STXBP4: variants seen among roughly 807,000 people sequenced by gnomAD.
STXBP4 encodes the protein syntaxin-binding protein 4.
A neutral mutation model predicts 76.1 loss-of-function variants in STXBP4; 55 were observed. That is an observed-to-expected ratio of 0.72 (90% CI 0.58 to 0.91). The LOEUF (loss-of-function observed/expected upper bound fraction) is 0.91, where lower values mean the gene tolerates loss of function less well. Ranked by LOEUF, STXBP4 falls within the 40% of genes least tolerant of loss-of-function variation. STXBP4 has a pLI of 0.00. For synonymous variants in STXBP4, 201 were observed against 220.2 expected (o/e 0.91, Z 0.77); for missense variants, 618 against 636.9 (o/e 0.97, Z 0.32).
the STXBP4 span, among the ~76,000 whole-genome samples, chr17:55,194,759 G>T: frequency 4.6e-5 from 7 of 152,172 alleles, no homozygotes; most frequent in Non-Finnish European, 1.0e-4. Flanking sequence ...GAAATGTCAG[G>T]CCTTTTATAT....
intron 12 of STXBP4, among the ~76,000 whole-genome samples, chr17:55,050,962 G>A (rs781137069): frequency 6.6e-6 from 1 of 151,988 alleles, no homozygotes; most frequent in Non-Finnish European, 1.5e-5. Flanking sequence ...CCACTGCACC[G>A]GGCCTGAAAT....
At chr17:55,143,201 T>C (rs1053718338) in intron 17 of STXBP4, among the ~76,000 whole-genome samples, 1 of 152,332 alleles carries the variant, frequency 6.6e-6, no homozygotes, top group Non-Finnish European at 1.5e-5. Context: ...TGGGCTCTTA[T>C]TGGAATGGCA....
chr17:55,047,454 T>C (rs1200912760), intron 12 of STXBP4, among the ~76,000 whole-genome samples: 1 of 151,934 alleles, frequency 6.6e-6, no homozygotes, highest in African/African-American at 2.4e-5. Flanking sequence ...TCCATTGTTT[T>C]TTCTTTTCTT....
intron 12 of STXBP4, among the ~76,000 whole-genome samples, chr17:55,055,422 A>T (rs1223276217): frequency 6.6e-6 from 1 of 152,108 alleles, no homozygotes; most frequent in East Asian, 1.9e-4. Flanking sequence ...GCCACTTTTC[A>T]CCACTTCCAT....
downstream of STXBP4, among the ~76,000 whole-genome samples, chr17:55,175,541 G>A (rs973803173): frequency 2.0e-5 from 3 of 152,190 alleles, no homozygotes; most frequent in African/African-American, 4.8e-5. Flanking sequence ...CATCACAGAT[G>A]GTCCAAATGA....
chr17:55,027,507 A>C (rs1484774), intron 8 of STXBP4, among the ~76,000 whole-genome samples: 2 of 152,168 alleles, frequency 1.3e-5, no homozygotes, highest in African/African-American at 2.4e-5. Context: ...CTCAGACTTC[A>C]CCATTAATAC....
intron 16 of STXBP4, among the ~76,000 whole-genome samples, chr17:55,127,966 A>G (rs2079930874): frequency 6.7e-6 from 1 of 149,324 alleles, no homozygotes; most frequent in Non-Finnish European, 1.5e-5. Context: ...ACTTCATTTC[A>G]TCTAGTCTGT....
At chr17:55,102,112 G>A (rs541364655) in intron 16 of STXBP4, among the ~76,000 whole-genome samples, 12 of 151,326 alleles carry the variant, frequency 7.9e-5, no homozygotes, top group Admixed American at 3.3e-4. Flanking sequence ...CTCGTTACTA[G>A]CAATTTGTGA....
rs564807473 is a variant in STXBP4, at chr17:55,034,534, A to G, written c.855+275A>G. Among the ~76,000 whole-genome samples the G allele has an allele frequency of 3.3e-5, 5 of 152,248 alleles. No individual in the cohort carries two copies. In the South Asian group the frequency reaches 1.0e-3, roughly 32 times the overall value. ...ATACGTGCTATAACTAGCTAGCTAG[A>G]CAAACTGACAGATACCATGTGTGCA... On this transcript the variant is annotated intron_variant, in intron 10 of 17. Coordinates refer to ENST00000376352, the MANE Select transcript of STXBP4 (RefSeq NM_178509.6).
At chr17:55,060,697 T>C (rs2078985040) in intron 12 of STXBP4, among the ~76,000 whole-genome samples, 1 of 152,210 alleles carries the variant, frequency 6.6e-6, no homozygotes, top group Non-Finnish European at 1.5e-5. Flanking sequence ...TTATGAGTTT[T>C]TGTGTCTTAC....
chr17:55,069,632 G>C (rs1187461032), intron 12 of STXBP4, among the ~76,000 whole-genome samples: 5 of 152,096 alleles, frequency 3.3e-5, no homozygotes, highest in Non-Finnish European at 4.4e-5. Flanking sequence ...TTGCTAAGGG[G>C]TCACATTCAC....
intron 16 of STXBP4, among the ~76,000 whole-genome samples, chr17:55,126,132 G>A (rs1312258629): frequency 3.9e-5 from 6 of 152,274 alleles, no homozygotes; most frequent in Admixed American, 3.3e-4. Flanking sequence ...TCAGAGTAGT[G>A]TAACAGAATC....
the STXBP4 span, among the ~76,000 whole-genome samples, chr17:55,200,557 T>G: frequency 2.0e-5 from 3 of 152,230 alleles, no homozygotes; most frequent in African/African-American, 7.2e-5. Flanking sequence ...TGTATCTTCT[T>G]TGTTGCTCAA....
intron 16 of STXBP4, among the ~76,000 whole-genome samples, chr17:55,124,085 C>A (rs2079877828): frequency 6.6e-6 from 1 of 152,088 alleles, no homozygotes; most frequent in South Asian, 2.1e-4. Flanking sequence ...CCAAGCCAGT[C>A]ACCATGGAAA....
chr17:55,118,309 T>C (rs2079805854), intron 16 of STXBP4, among the ~76,000 whole-genome samples: 1 of 151,776 alleles, frequency 6.6e-6, no homozygotes, highest in Non-Finnish European at 1.5e-5. Context: ...GAAAGATGAG[T>C]AGGAGCCAAC....
chr17:55,054,422 G>A (rs753814187), intron 12 of STXBP4, among the ~76,000 whole-genome samples: 1 of 152,194 alleles, frequency 6.6e-6, no homozygotes, highest in Non-Finnish European at 1.5e-5. Flanking sequence ...TTGGGAGGTG[G>A]AGGCTGCAGT....
At chr17:55,156,486 AT>A (rs769381785) in intron 17 of STXBP4, among the ~76,000 whole-genome samples, 2 of 152,200 alleles carry the variant, frequency 1.3e-5, no homozygotes, top group Non-Finnish European at 2.9e-5. Flanking sequence ...TCTTACAATA[AT>A]CAGAAATCCC....
At chr17:55,209,677 G>A in the STXBP4 span, among the ~76,000 whole-genome samples, 8 of 152,206 alleles carry the variant, frequency 5.3e-5, no homozygotes, top group Non-Finnish European at 1.0e-4. Context: ...GAGGACACGT[G>A]CTCAACTAGT....
chr17:55,063,392 A>G (rs1056542931), intron 12 of STXBP4, among the ~76,000 whole-genome samples: 1 of 152,140 alleles, frequency 6.6e-6, no homozygotes, highest in Non-Finnish European at 1.5e-5. Context: ...CTTCATAGGA[A>G]CCTTCCAGTT....
Sources: gnomAD v4.1 joint callset for allele counts (sites outside exome capture counted in the v4.1 genomes callset) on GRCh38, gnomAD v4.1.1 for gene constraint, MANE v1.5 for transcripts, NCBI Gene and HGNC (gene_info 2026-07-23, HGNC 2026-07-21) for gene names.